The following LRRK2 variants were observed in gnomAD, a reference collection of about 807,000 sequenced individuals.
The protein encoded by LRRK2 is leucine rich repeat kinase 2.
Under a neutral mutation model 302.6 loss-of-function variants are expected in LRRK2, and 203 were observed. The ratio of observed to expected loss-of-function variants is 0.67; its 90% CI spans 0.60 to 0.75. The LOEUF is 0.75. LRRK2 is among the 30% of genes least tolerant of loss of function. The probability of loss-of-function intolerance (pLI) is 0.00; values close to 1 mark genes in which losing one functional copy is unlikely to be tolerated. For missense variants in LRRK2, 2,830 were observed against 2,951.0 expected, an observed-to-expected ratio of 0.96 and a Z score of 0.95; for synonymous variants, 1,066 against 1,031.9, an observed-to-expected ratio of 1.03 and a Z score of -0.63.
chr12:40,288,314 T>C (rs1186650322), intron 20 of LRRK2, among the ~76,000 whole-genome samples: 1 of 151,906 alleles, frequency 6.6e-6, no homozygotes, highest in Non-Finnish European at 1.5e-5. Context: ...TTCATGCGCT[T>C]TGAAAATTAA....
intron 47 of LRRK2, among the ~76,000 whole-genome samples, chr12:40,359,838 G>A (rs997880992): frequency 6.6e-6 from 1 of 152,132 alleles, no homozygotes; most frequent in Non-Finnish European, 1.5e-5. Flanking sequence ...AGTATTGATT[G>A]TAGGAAAGAT....
intron 49 of LRRK2, chr12:40,365,492 C>CT (rs1477323915): frequency 1.3e-5 from 2 of 152,796 alleles, no homozygotes; most frequent in African/African-American, 4.8e-5. Flanking sequence ...ACTGCACAAC[C>CT]TACAAATATT....
chr12:40,359,540 T>C (rs1946642662), intron 47 of LRRK2, 96 bp downstream of exon 47: 1 of 989,784 alleles, frequency 1.0e-6, no homozygotes, highest in South Asian at 1.6e-5. Context: ...ATAAGGAAGA[T>C]CTTTTAAAAT....
chr12:40,253,404 T>C (rs1388665154), intron 11 of LRRK2, among the ~76,000 whole-genome samples: 1 of 152,186 alleles, frequency 6.6e-6, no homozygotes, highest in African/African-American at 2.4e-5. Context: ...TTTTTGTTTT[T>C]AGATATGGTC....
chr12:40,308,725 C>T (rs200924291), intron 29 of LRRK2, 29 bp downstream of exon 29: 1 of 1,594,454 alleles, frequency 6.3e-7, no homozygotes, highest in East Asian at 2.3e-5. Context: ...TTTTAAAATT[C>T]ACTTTTACCA....
intron 2 of LRRK2, among the ~76,000 whole-genome samples, chr12:40,230,785 C>T (rs1316002225): frequency 6.7e-6 from 1 of 149,698 alleles, no homozygotes; most frequent in African/African-American, 2.5e-5. Flanking sequence ...GGTTAATTTT[C>T]ATCTCCGGTT....
Position 40,309,190 on chromosome 12 carries a change from A to G in LRRK2, c.4274A>G (p.Gln1425Arg). The change falls in exon 30 of 51, where the codon CAG becomes CGG. Residue 1425 changes from glutamine (Q) to arginine (R), a missense_variant. Gln to Arg is a conservative substitution (Grantham distance 43). Around this residue, in one of 3 missense-constraint regions of LRRK2, gnomAD observed 2,121 missense variants for 2,148.0 expected, o/e 0.99. Coordinates refer to ENST00000298910, the MANE Select transcript of LRRK2 (RefSeq NM_198578.4). ...GCTGTCTATGACCTCAGCAAGGGAC[A>G]GGCTGAAGTTGATGCCATGAAGCCT... ...YLAVYDLSKG[Q>R]AEVDAMKPWL... 2 of 1,614,006 alleles carry G rather than the reference A, an allele frequency of 1.2e-6. No homozygotes were observed. Among genetic ancestry groups the G allele is most frequent in the Non-Finnish European group, 1.7e-6 (2 of 1,179,922 alleles).
intron 35 of LRRK2, 139 bp from the exon 36 acceptor site, chr12:40,321,896 A>G (rs1206564520): frequency 6.6e-6 from 5 of 752,346 alleles, no homozygotes; most frequent in Non-Finnish European, 1.1e-5. Context: ...ATAGATATGG[A>G]TGAGGACTCA....
At chr12:40,314,925 G>A (rs935803336) in intron 32 of LRRK2, among the ~76,000 whole-genome samples, 3 of 151,978 alleles carry the variant, frequency 2.0e-5, no homozygotes, top group Non-Finnish European at 4.4e-5. Flanking sequence ...TTCAGCAAGC[G>A]AAACAGAAAA....
chr12:40,315,880 A>G (rs566446639), intron 33 of LRRK2, among the ~76,000 whole-genome samples: 1 of 152,152 alleles, frequency 6.6e-6, no homozygotes, highest in South Asian at 2.1e-4. Context: ...TAGCTTTGAC[A>G]TAAAAGACCA....
At chr12:40,352,916 CT>C (rs1387415698) in intron 44 of LRRK2, among the ~76,000 whole-genome samples, 1 of 152,260 alleles carries the variant, frequency 6.6e-6, no homozygotes, top group East Asian at 1.9e-4. Context: ...ACATTTCCCC[CT>C]TTTCTACTCG....
At chr12:40,267,947 C>T (rs17466002) in intron 14 of LRRK2, among the ~76,000 whole-genome samples, 1 of 152,212 alleles carries the variant, frequency 6.6e-6, no homozygotes, top group Non-Finnish European at 1.5e-5. Context: ...AGCAGAGTTC[C>T]AAATAAGGTA....
intron 27 of LRRK2, 69 bp downstream of exon 27, chr12:40,304,203 T>G: frequency 6.7e-7 from 1 of 1,501,240 alleles, no homozygotes; most frequent in Non-Finnish European, 9.2e-7. Flanking sequence ...TCATTTTAAG[T>G]GATATTTAGC....
intron 5 of LRRK2, among the ~76,000 whole-genome samples, chr12:40,239,479 T>C (rs1301773278): frequency 6.6e-6 from 1 of 152,180 alleles, no homozygotes; most frequent in Non-Finnish European, 1.5e-5. Flanking sequence ...AGCATCACTT[T>C]ATCACCATCG....
chr12:40,284,732 C>T (rs1943850130), intron 19 of LRRK2, among the ~76,000 whole-genome samples: 2 of 152,128 alleles, frequency 1.3e-5, no homozygotes, highest in African/African-American at 4.8e-5. Context: ...TTTGTTCACA[C>T]TAAATGTGTT....
chr12:40,276,268 G>T (rs1452321118), intron 16 of LRRK2, among the ~76,000 whole-genome samples: 1 of 152,050 alleles, frequency 6.6e-6, no homozygotes, highest in Non-Finnish European at 1.5e-5. Context: ...AATCTGGCCT[G>T]CCAACATATT....
At chr12:40,301,983 C>A (rs916775600) in intron 25 of LRRK2, among the ~76,000 whole-genome samples, 2 of 152,076 alleles carry the variant, frequency 1.3e-5, no homozygotes, top group Non-Finnish European at 2.9e-5. Flanking sequence ...TGGAGACCAT[C>A]CTGGCTAACA....
chr12:40,280,785 G>A (rs537393318), intron 18 of LRRK2, among the ~76,000 whole-genome samples: 13 of 151,734 alleles, frequency 8.6e-5, no homozygotes, highest in Non-Finnish European at 1.8e-4. Flanking sequence ...AAAACCAACC[G>A]GTCGGGTGCG....
chr12:40,307,724 G>A (rs1944874145), intron 28 of LRRK2, among the ~76,000 whole-genome samples: 1 of 150,884 alleles, frequency 6.6e-6, no homozygotes, highest in African/African-American at 2.4e-5. Context: ...TATGTCATAT[G>A]GACTTTGTGA....
Sources: allele counts gnomAD v4.1 joint callset (sites outside exome capture counted in the v4.1 genomes callset), GRCh38; gene constraint gnomAD v4.1.1; regional missense constraint gnomAD v4.1.1; transcripts MANE v1.5; gene names NCBI Gene and HGNC (gene_info 2026-07-23, HGNC 2026-07-21).